Variants in ESYT2 observed in about 807,000 individuals in gnomAD.
ESYT2 encodes the protein extended synaptotagmin 2, also known as extended synaptotagmin-2.
In ESYT2, 54 loss-of-function variants were observed where a neutral mutation model predicts 107.2. The observed-to-expected ratio is 0.50, with a 90% confidence interval of 0.40 to 0.63. ESYT2 has a LOEUF of 0.63. Ranked by LOEUF, ESYT2 falls within the 30% of genes least tolerant of loss-of-function variation. ESYT2 has a pLI of 0.00. For missense variants in ESYT2, 1,020 were observed against 1,094.5 expected (o/e 0.93, Z 0.96); for synonymous variants, 491 against 434.1 (o/e 1.13, Z -1.63).
intron 19 of ESYT2, among the ~76,000 whole-genome samples, chr7:158,737,660 G>C (rs12672845): frequency 0.14 from 20,767 of 152,088 alleles, 2,323 homozygotes; most frequent in East Asian, 0.56. Flanking sequence ...TGTTTTGCTA[G>C]ACTCCTCTAC....
intron 6 of ESYT2, among the ~76,000 whole-genome samples, chr7:158,781,373 TGA>T (rs201738793): frequency 0.013 from 1,952 of 150,084 alleles, 21 homozygotes; most frequent in African/African-American, 0.022. Context: ...AGAACAAGTG[TGA>T]GAGTGAACGA....
intron 16 of ESYT2, among the ~76,000 whole-genome samples, chr7:158,746,524 A>G (rs1158561591): frequency 6.6e-6 from 1 of 152,016 alleles, no homozygotes; most frequent in Non-Finnish European, 1.5e-5. Context: ...AAAAAAAAAA[A>G]AAAGATTAAT....
intron 17 of ESYT2, among the ~76,000 whole-genome samples, chr7:158,742,553 A>G (rs1023232456): frequency 7.2e-5 from 11 of 152,218 alleles, no homozygotes; most frequent in African/African-American, 2.7e-4. Flanking sequence ...AGGGAGGAAG[A>G]AAGTCCAGAA....
Position 158,777,027 on chromosome 7 carries a change from A to T in ESYT2, c.748-3631T>A, listed in dbSNP as rs1400579508. On this transcript the variant is annotated intron_variant, in intron 6 of 22. Transcript: ENST00000275418. ...ACTACTACGCCCAGCTAATTTTTGTATTTTTTTTTTTTTTAAGTAGAGAGG... is the reference window on the plus strand; with the variant it reads ...ACTACTACGCCCAGCTAATTTTTGTTTTTTTTTTTTTTTTAAGTAGAGAGG... 4.8e-5 allele frequency among the ~76,000 whole-genome samples: 7 copies of T among 144,404 alleles called. No homozygotes were observed. The East Asian group carries it at 6.1e-4, about 12-fold the overall frequency. 94.7% of individuals were successfully genotyped at this position (144,404 alleles called of 152,430 possible). A position where few individuals can be genotyped will look rare whatever the true frequency, so the allele number is the denominator to read the frequency against.
At chr7:158,786,193 C>A (rs1268744388) in intron 6 of ESYT2, among the ~76,000 whole-genome samples, 2 of 152,124 alleles carry the variant, frequency 1.3e-5, no homozygotes, top group African/African-American at 4.8e-5. Context: ...AATGGAAGAT[C>A]CAAACTAAGT....
chr7:158,814,643 C>G (rs1840101400), intron 1 of ESYT2, among the ~76,000 whole-genome samples: 1 of 152,216 alleles, frequency 6.6e-6, no homozygotes, highest in Non-Finnish European at 1.5e-5. Flanking sequence ...CACTGGCTAA[C>G]AAGGTGGTGG....
At chr7:158,748,055 G>A in intron 16 of ESYT2, 139 bp downstream of exon 16, 2 of 726,024 alleles carry the variant, frequency 2.8e-6, no homozygotes, top group Non-Finnish European at 4.6e-6. Context: ...GGAGGCCCGG[G>A]TTACAGAGAG....
At position 158,743,587 on chromosome 7, in the gene ESYT2, C is replaced by A; in HGVS notation, c.1736G>T (p.Arg579Leu). The A allele has an allele frequency of 5.0e-6, 8 of 1,613,144 alleles. No homozygotes were observed. Among genetic ancestry groups the A allele is most frequent in the Non-Finnish European group, 5.9e-6 (7 of 1,179,748 alleles). The change falls in exon 17 of 23, where the codon CGC becomes CTC. Residue 579 changes from arginine to leucine, a missense_variant. Physicochemically the swap from Arg to Leu is moderately radical, Grantham distance 102. Coordinates refer to ENST00000275418, the MANE Select transcript of ESYT2 (RefSeq NM_001367773.1). ...TGGACCCGAGTTACTGAGCTGGAAG[C>A]GCTGGCTCACAGTCATGTCCTCACT... ...LTSEDMTVSQ[R>L]FQLSNSGPNS...
At chr7:158,772,151 C>T (rs969686443) in intron 7 of ESYT2, among the ~76,000 whole-genome samples, 1 of 151,876 alleles carries the variant, frequency 6.6e-6, no homozygotes, top group African/African-American at 2.4e-5. Context: ...TACTTATTTA[C>T]CTACTTAAGA....
chr7:158,736,688 A>C (rs1279142444), intron 20 of ESYT2, among the ~76,000 whole-genome samples: 1 of 152,244 alleles, frequency 6.6e-6, no homozygotes, highest in Non-Finnish European at 1.5e-5. Flanking sequence ...TGTTATTTAA[A>C]AATAAAATTA....
At chr7:158,785,994 A>C (rs895804621) in intron 6 of ESYT2, among the ~76,000 whole-genome samples, 4 of 152,214 alleles carry the variant, frequency 2.6e-5, no homozygotes, top group African/African-American at 9.6e-5. Context: ...CTTGGCAGCC[A>C]GCTGTAACTC....
chr7:158,741,058 A>AAC (rs1322205375), intron 18 of ESYT2, among the ~76,000 whole-genome samples: 2 of 152,232 alleles, frequency 1.3e-5, no homozygotes, highest in Admixed American at 1.3e-4. Context: ...ATAAGGAGCC[A>AAC]ACACAGACAT....
intron 13 of ESYT2, among the ~76,000 whole-genome samples, chr7:158,755,343 A>C (rs1837717383): frequency 6.6e-6 from 1 of 152,240 alleles, no homozygotes; most frequent in African/African-American, 2.4e-5. Flanking sequence ...TTTACGGAAC[A>C]TCTTAGGTGA....
At chr7:158,768,305 C>CT (rs1266691382) in intron 7 of ESYT2, among the ~76,000 whole-genome samples, 1 of 152,194 alleles carries the variant, frequency 6.6e-6, no homozygotes, top group Non-Finnish European at 1.5e-5. Flanking sequence ...ACTTTGTTCT[C>CT]TCTTATCCAT....
rs1839264221 is a variant in ESYT2 at position 158,790,820 on chromosome 7, C to G, written c.585-2403G>C. Reference sequence around the variant, plus strand: ...GCATGTGCCTGTAATCCCAGCTACTCAGGAGGCTGAGGCAGGAGAATTGCT... The same window carrying G: ...GCATGTGCCTGTAATCCCAGCTACTGAGGAGGCTGAGGCAGGAGAATTGCT... On this transcript the variant is annotated intron_variant, in intron 4 of 22. Transcript: ENST00000275418. 2.0e-5 allele frequency among the ~76,000 whole-genome samples: 3 copies of G among 152,074 alleles called. No homozygotes were observed. In the South Asian group the frequency reaches 6.2e-4, roughly 32 times the overall value.
intron 1 of ESYT2, among the ~76,000 whole-genome samples, chr7:158,807,741 G>A (rs1407509602): frequency 6.6e-6 from 1 of 152,188 alleles, no homozygotes; most frequent in Non-Finnish European, 1.5e-5. Context: ...CACAGTTGGA[G>A]TATGAACTAA....
intron 13 of ESYT2, among the ~76,000 whole-genome samples, chr7:158,753,599 ATTTT>A (rs775077906): frequency 6.0e-5 from 8 of 132,810 alleles, no homozygotes; most frequent in African/African-American, 2.0e-4. Flanking sequence ...TAAATGTTTA[ATTTT>A]TTTTTTTTTT....
Position 158,748,271 on chromosome 7 carries a change from T to C in ESYT2, c.1567A>G (p.Lys523Glu). Reference sequence around the variant, plus strand: ...TCCTCCCACACAGGTTCATTGGTTTTGTATCGAATCTAGAAGAAATATCCA... The same window carrying C: ...TCCTCCCACACAGGTTCATTGGTTTCGTATCGAATCTAGAAGAAATATCCA... ...HKAQESKIRY[K>E]TNEPVWEENF... Residue 523 changes from lysine to glutamate, a missense_variant, in exon 16 of 23, where the codon AAA (lysine) becomes GAA (glutamate). Physicochemically the swap from Lys to Glu is moderately conservative, Grantham distance 56 (BLOSUM62 1). Coordinates refer to ENST00000275418, the MANE Select transcript of ESYT2 (RefSeq NM_001367773.1). 2 of 1,613,980 alleles carry C rather than the reference T, an allele frequency of 1.2e-6. No homozygotes were observed. The highest frequency in any genetic ancestry group is 1.7e-6 in the Non-Finnish European group (2 of 1,179,832).
chr7:158,759,614 T>C (rs769300750), intron 12 of ESYT2, 33 bp from the exon 13 acceptor site: 4 of 1,552,572 alleles, frequency 2.6e-6, no homozygotes, highest in African/African-American at 1.4e-5. Context: ...TTAGCAGCCA[T>C]GTTTCCACAG....
Sources: gnomAD v4.1 joint callset for allele counts (sites outside exome capture counted in the v4.1 genomes callset) on GRCh38, gnomAD v4.1.1 for gene constraint, MANE v1.5 for transcripts, NCBI Gene and HGNC (gene_info 2026-07-23, HGNC 2026-07-21) for gene names.